PACRG: variants seen among roughly 807,000 people sequenced by gnomAD.
PACRG encodes parkin coregulated.
A neutral mutation model predicts 29.7 loss-of-function variants in PACRG; 29 were observed. The ratio of observed to expected loss-of-function variants is 0.98; its 90% CI spans 0.73 to 1.33. The LOEUF is 1.33. Among genes scored for constraint, PACRG ranks in the 40% most tolerant of loss-of-function variants. The pLI is 0.00. For missense variants in PACRG, 279 were observed against 316.2 expected, an observed-to-expected ratio of 0.88 and a Z score of 0.89; for synonymous variants, 116 against 118.7, an observed-to-expected ratio of 0.98 and a Z score of 0.15.
At chr6:162,818,576 G>A (rs1454872612) in intron 2 of PACRG, among the ~76,000 whole-genome samples, 2 of 152,088 alleles carry the variant, frequency 1.3e-5, no homozygotes, top group African/African-American at 4.8e-5. Flanking sequence ...AAGAGATGAA[G>A]ATAAATACCT....
intron 4 of PACRG, among the ~76,000 whole-genome samples, chr6:163,250,125 G>A (rs1021667448): frequency 1.3e-5 from 2 of 152,222 alleles, no homozygotes; most frequent in African/African-American, 4.8e-5. Context: ...GGAAACAACA[G>A]TTGCACCATT....
intron 4 of PACRG, among the ~76,000 whole-genome samples, chr6:163,141,949 C>T (rs575143751): frequency 8.6e-5 from 13 of 152,020 alleles, no homozygotes; most frequent in Admixed American, 2.6e-4. Flanking sequence ...CACCCAGTAG[C>T]GATAGTCCTT....
At chr6:163,008,560 T>C (rs943691320) in intron 2 of PACRG, among the ~76,000 whole-genome samples, 5 of 150,954 alleles carry the variant, frequency 3.3e-5, no homozygotes, top group African/African-American at 9.8e-5. Context: ...AAAGGATCGT[T>C]TGTGTCAAGT....
At chr6:162,959,755 C>T (rs535350227) in intron 2 of PACRG, among the ~76,000 whole-genome samples, 21 of 152,208 alleles carry the variant, frequency 1.4e-4, no homozygotes, top group African/African-American at 3.4e-4. Context: ...TGGCTTGGAC[C>T]AAGGTGCAGA....
chr6:162,903,668 A>G (rs984795034), intron 2 of PACRG, among the ~76,000 whole-genome samples: 2 of 152,204 alleles, frequency 1.3e-5, no homozygotes, highest in African/African-American at 2.4e-5. Flanking sequence ...TGTGGAAATT[A>G]TGGGAGCAAT....
At chr6:163,257,521 A>AT (rs528842993) in intron 4 of PACRG, among the ~76,000 whole-genome samples, 41 of 152,186 alleles carry the variant, frequency 2.7e-4, no homozygotes, top group Non-Finnish European at 4.9e-4. Flanking sequence ...TTAAATTGTT[A>AT]TTTTTTTACA....
At chr6:162,861,937 T>G (rs1298710233) in intron 2 of PACRG, among the ~76,000 whole-genome samples, 1 of 152,212 alleles carries the variant, frequency 6.6e-6, no homozygotes, top group Non-Finnish European at 1.5e-5. Flanking sequence ...TGGGTATTTC[T>G]GTATCCACTA....
chr6:163,240,549 G>T (rs1475523171), intron 4 of PACRG, among the ~76,000 whole-genome samples: 1 of 152,050 alleles, frequency 6.6e-6, no homozygotes, highest in Non-Finnish European at 1.5e-5. Flanking sequence ...CCACCTCCTT[G>T]GTCCCCTCCT....
At chr6:162,773,493 C>CTTTTTTTTTTTTTTTT (rs1562582605) in intron 1 of PACRG, among the ~76,000 whole-genome samples, 10 of 82,764 alleles carry the variant, frequency 1.2e-4, no homozygotes, top group African/African-American at 3.8e-4. Flanking sequence ...TACAGCTTGT[C>CTTTTTTTTTTTTTTTT]ATTTTTTTTT....
At chr6:162,891,313 G>T (rs1052831201) in intron 2 of PACRG, among the ~76,000 whole-genome samples, 4 of 152,166 alleles carry the variant, frequency 2.6e-5, no homozygotes, top group Admixed American at 2.0e-4. Flanking sequence ...GGGAAGTTGA[G>T]GCACTAAGTA....
intron 4 of PACRG, among the ~76,000 whole-genome samples, chr6:163,203,663 T>C (rs1198805144): frequency 2.8e-4 from 42 of 152,190 alleles, no homozygotes; most frequent in Admixed American, 2.7e-3. Context: ...CATAGGACAA[T>C]AATAGCAAAT....
chr6:163,269,416 G>C (rs1392407535), intron 4 of PACRG, among the ~76,000 whole-genome samples: 1 of 152,176 alleles, frequency 6.6e-6, no homozygotes. Flanking sequence ...TGGTTGACAG[G>C]TTCTGTAGAT....
At chr6:163,192,797 T>C (rs1419735839) in intron 4 of PACRG, among the ~76,000 whole-genome samples, 3 of 152,160 alleles carry the variant, frequency 2.0e-5, no homozygotes, top group African/African-American at 4.8e-5. Context: ...GGCTCCCAGG[T>C]TGGGTGTGTT....
intron 2 of PACRG, among the ~76,000 whole-genome samples, chr6:162,821,108 C>A (rs1274514490): frequency 1.3e-5 from 2 of 152,234 alleles, no homozygotes; most frequent in Non-Finnish European, 2.9e-5. Context: ...GGTTAGATGA[C>A]CTCTGAAAAC....
chr6:162,865,964 C>A (rs1792264925), intron 2 of PACRG, among the ~76,000 whole-genome samples: 1 of 151,956 alleles, frequency 6.6e-6, no homozygotes, highest in Non-Finnish European at 1.5e-5. Context: ...AATGATGAAC[C>A]AGAGATACCC....
chr6:162,831,063 T>A (rs1788729886), intron 2 of PACRG, among the ~76,000 whole-genome samples: 1 of 152,196 alleles, frequency 6.6e-6, no homozygotes, highest in African/African-American at 2.4e-5. Context: ...CCATAGATTA[T>A]TGTTATTCTT....
chr6:162,898,507 A>G (rs545597548), intron 2 of PACRG, among the ~76,000 whole-genome samples: 14 of 152,332 alleles, frequency 9.2e-5, no homozygotes, highest in African/African-American at 2.9e-4. Context: ...TTTTCACACA[A>G]TGGAAGTGCT....
chr6:163,154,535 A>G (rs1778234545), intron 4 of PACRG, among the ~76,000 whole-genome samples: 1 of 152,196 alleles, frequency 6.6e-6, no homozygotes, highest in South Asian at 2.1e-4. Flanking sequence ...GAGAAAAGGA[A>G]TTAAATAAGC....
At chr6:163,275,695 T>A (rs4709688) in intron 4 of PACRG, among the ~76,000 whole-genome samples, 59,990 of 152,014 alleles carry the variant, frequency 0.39, 12,039 homozygotes, top group African/African-American at 0.44. Context: ...TCTTTTTTTG[T>A]CTGGCTGTTC....
Sources: gnomAD v4.1 joint callset for allele counts (sites outside exome capture counted in the v4.1 genomes callset) on GRCh38, gnomAD v4.1.1 for gene constraint, MANE v1.5 for transcripts, NCBI Gene and HGNC (gene_info 2026-07-23, HGNC 2026-07-21) for gene names.